Variants in NINJ1 observed in about 807,000 individuals in gnomAD.
NINJ1 encodes ninjurin-1.
In NINJ1, 6 loss-of-function variants were observed where a neutral mutation model predicts 12.7. The ratio of observed to expected loss-of-function variants is 0.47; its 90% confidence interval spans 0.26 to 0.93. The LOEUF (loss-of-function observed/expected upper bound fraction) is 0.93, where lower values mean the gene tolerates loss of function less well. Ranked by LOEUF, NINJ1 falls within the 40% of genes least tolerant of loss-of-function variation. The pLI is 0.15. For missense variants in NINJ1, 170 were observed against 213.0 expected, an observed-to-expected ratio of 0.80 and a Z score of 1.26; for synonymous variants, 100 against 96.0, an observed-to-expected ratio of 1.04 and a Z score of -0.25.
intron 2 of NINJ1, 125 bp downstream of exon 2, chr9:93,126,285 G>C: frequency 1.4e-6 from 1 of 729,914 alleles, no homozygotes; most frequent in South Asian, 1.8e-5. Context: ...TGGGTGATGA[G>C]GGCCAGGAAC....
chr9:93,130,279 G>A (rs1827873390), intron 1 of NINJ1, among the ~76,000 whole-genome samples: 1 of 152,180 alleles, frequency 6.6e-6, no homozygotes, highest in African/African-American at 2.4e-5. Context: ...GGCTGCACAT[G>A]TTGGGGCTGG....
In NINJ1 at chr9:93,126,636, C is replaced by A; in HGVS notation, c.78G>T (p.Pro26=). The part of the protein sequence containing the change: ...PGTPGSPDAS[P]ARWGWRHGPI... ...GCCCGTGCCTCCAGCCCCAGCGGGC[C>A]GGCTGCAGGGAGGGGAATGGTCAGC... The change falls in exon 2 of 4, where the codon CCG becomes CCT. Residue 26 remains proline, a splice_region_variant and synonymous_variant. Coordinates refer to ENST00000375446, the MANE Select transcript of NINJ1 (RefSeq NM_004148.4). 1 of 1,569,356 alleles carries A rather than the reference C, an allele frequency of 6.4e-7. No homozygotes were observed.
chr9:93,126,129 G>A, intron 2 of NINJ1: 1 of 449,582 alleles, frequency 2.2e-6, no homozygotes, highest in Non-Finnish European at 4.0e-6. Context: ...CCCAGGAGAT[G>A]CAGCTTGCAG....
chr9:93,126,927 A>ATGATCCTCCCC (rs1427614263), intron 1 of NINJ1, among the ~76,000 whole-genome samples: 15 of 152,126 alleles, frequency 9.9e-5, no homozygotes, highest in Admixed American at 4.6e-4. Flanking sequence ...CGATCCTCCC[A>ATGATCCTCCCC]CTCCTGCCAT....
intron 3 of NINJ1, among the ~76,000 whole-genome samples, chr9:93,123,102 G>A (rs1023743757): frequency 6.6e-6 from 1 of 152,240 alleles, no homozygotes; most frequent in Non-Finnish European, 1.5e-5. Flanking sequence ...GGGGGCTGGC[G>A]TGATCCCACT....
chr9:93,126,681 G>A (rs1430190873), intron 1 of NINJ1, 43 bp from the exon 2 acceptor site: 2 of 1,500,264 alleles, frequency 1.3e-6, no homozygotes, highest in Admixed American at 1.8e-5. Flanking sequence ...GGGGGAGGGG[G>A]GCAAGGGCTG....
intron 1 of NINJ1, among the ~76,000 whole-genome samples, chr9:93,129,758 A>G (rs1827864118): frequency 6.6e-6 from 1 of 152,202 alleles, no homozygotes; most frequent in South Asian, 2.1e-4. Context: ...CTGCCCCAGG[A>G]TACAGCATAG....
chr9:93,129,410 C>A (rs1356445653), intron 1 of NINJ1, among the ~76,000 whole-genome samples: 1 of 152,126 alleles, frequency 6.6e-6, no homozygotes, highest in East Asian at 1.9e-4. Flanking sequence ...GGCCTCTGAG[C>A]CCCGAGTGGC....
In NINJ1 at chr9:93,126,525, C is replaced by T. The variant is rs901514888; in HGVS notation, c.189G>A (p.Gln63=). Residue 63 remains glutamine, a synonymous_variant, in exon 2 of 4, where the codon CAG becomes CAA. Transcript: ENST00000375446. ...GGCCCTGTTCCACGACGGCCTTCAGCTGGGACGCGTTGGCCATCAGCAGCG... is the reference window on the plus strand; with the variant it reads ...GGCCCTGTTCCACGACGGCCTTCAGTTGGGACGCGTTGGCCATCAGCAGCG... ...DIALLMANAS[Q]LKAVVEQGPS... is the part of the protein sequence containing the mutation. 8.1e-6 allele frequency: 13 copies of T among 1,614,204 alleles called. No individual in the cohort carries two copies. The highest frequency in any genetic ancestry group is 1.6e-4 in the Middle Eastern group (1 of 6,062).
chr9:93,129,035 A>G (rs1211359226), intron 1 of NINJ1, among the ~76,000 whole-genome samples: 1 of 152,156 alleles, frequency 6.6e-6, no homozygotes, highest in East Asian at 1.9e-4. Flanking sequence ...GTCACGAGGA[A>G]CACTCAGATC....
chr9:93,122,598 C>G (rs1587662273), intron 3 of NINJ1, among the ~76,000 whole-genome samples: 1 of 152,194 alleles, frequency 6.6e-6, no homozygotes, highest in Non-Finnish European at 1.5e-5. Context: ...TCAAAGTACT[C>G]CATGCCTCAG....
intron 1 of NINJ1, among the ~76,000 whole-genome samples, chr9:93,131,199 C>A (rs1481236681): frequency 6.6e-6 from 1 of 152,248 alleles, no homozygotes; most frequent in Non-Finnish European, 1.5e-5. Flanking sequence ...GGTCTCCCAG[C>A]TCCATGTCTG....
At position 93,131,228 on chromosome 9, in the gene NINJ1, C is replaced by T. The variant is rs527489234; in HGVS notation, c.75+2915G>A. Among the ~76,000 whole-genome samples, 3 of 152,352 alleles carry T rather than the reference C, an allele frequency of 2.0e-5. No homozygotes were observed. In the East Asian group the frequency reaches 5.8e-4, roughly 29 times the overall value. ...ATGTCTGTGTTCCTGGCAGGAAACC[C>T]CAGCAAGACAGCAGGAAGTGCTGGA... On this transcript the variant is annotated intron_variant, in intron 1 of 3. Coordinates refer to ENST00000375446, the MANE Select transcript of NINJ1 (RefSeq NM_004148.4).
At position 93,129,880 on chromosome 9, in the gene NINJ1, C is replaced by T. The variant is rs556209190; in HGVS notation, c.76-3242G>A. ...CCTTGGTACTCTGGGCCTTGGAGCCCTGAGCTGACCACCACACAGGAGGGT... is the reference window on the plus strand; with the variant it reads ...CCTTGGTACTCTGGGCCTTGGAGCCTTGAGCTGACCACCACACAGGAGGGT... On this transcript the variant is annotated intron_variant, in intron 1 of 3. Coordinates refer to ENST00000375446, the MANE Select transcript of NINJ1 (RefSeq NM_004148.4). Among the ~76,000 whole-genome samples, 72 of 152,308 alleles carry T rather than the reference C, an allele frequency of 4.7e-4. No individual in the cohort carries two copies. In the South Asian group the frequency reaches 0.014, roughly 30 times the overall value.
intron 3 of NINJ1, 28 bp from the exon 4 acceptor site, chr9:93,122,258 G>T (rs917045896): frequency 6.5e-6 from 1 of 153,228 alleles, no homozygotes; most frequent in Non-Finnish European, 1.5e-5. Context: ...GAGAGGCTCT[G>T]AGCCTGGAAG....
Position 93,124,950 on chromosome 9 carries a change from G to C in NINJ1, c.417C>G (p.Phe139Leu). ...IVVVNIFITA[F>L]GVQKPLMDMA... The stretch of plus-strand genomic sequence containing the variant: ...TGTCCATCAAGGGCTTCTGGACCCC[G>C]AAGGCCGTGATGAAGATGTTGACTA... The change falls in exon 3 of 4, where the codon TTC (phenylalanine) becomes TTG (leucine). Residue 139 changes from phenylalanine to leucine, a missense_variant. Phe to Leu is a conservative substitution (Grantham distance 22, BLOSUM62 0). Coordinates refer to ENST00000375446, the MANE Select transcript of NINJ1 (RefSeq NM_004148.4). 2 of 1,614,006 alleles carry C rather than the reference G, an allele frequency of 1.2e-6. No homozygotes were observed. The highest frequency in any genetic ancestry group is 1.7e-6 in the Non-Finnish European group (2 of 1,179,926).
chr9:93,124,853 G>C, intron 3 of NINJ1, 46 bp downstream of exon 3: 2 of 1,544,122 alleles, frequency 1.3e-6, no homozygotes, highest in Non-Finnish European at 8.7e-7. Flanking sequence ...CTCCAACAGC[G>C]AGCAACCCCA....
At position 93,126,431 on chromosome 9, in the gene NINJ1, C is replaced by A. The variant is rs1372743515; in HGVS notation, c.283G>T (p.Gly95Trp). Residue 95 changes from glycine to tryptophan, a missense_variant, in exon 2 of 4, where the codon GGG (glycine) becomes TGG (tryptophan). By Grantham distance (184) the Gly-to-Trp change is radical. Coordinates refer to ENST00000375446, the MANE Select transcript of NINJ1 (RefSeq NM_004148.4). ...SISLVLQIGVGVLLIFLVKYD... is the reference protein window; with the variant it reads ...SISLVLQIGVWVLLIFLVKYD... ...CTACCAAGGAAGATGAGCAGCACCCCCACGCCGATCTGCAGCACAAGGGAG... is the reference window on the plus strand; with the variant it reads ...CTACCAAGGAAGATGAGCAGCACCCACACGCCGATCTGCAGCACAAGGGAG... 7 of 1,613,692 alleles carry A rather than the reference C, an allele frequency of 4.3e-6. No homozygotes were observed. Among genetic ancestry groups the A allele is most frequent in the Non-Finnish European group, 5.9e-6 (7 of 1,179,830 alleles).
chr9:93,122,441 G>C, intron 3 of NINJ1, among the ~76,000 whole-genome samples: 1 of 130,458 alleles, frequency 7.7e-6, no homozygotes, highest in Admixed American at 7.8e-5. Context: ...GAGGCTCTGA[G>C]CCTGGAAGGA....
Sources: allele counts gnomAD v4.1 joint callset (sites outside exome capture counted in the v4.1 genomes callset), GRCh38; gene constraint gnomAD v4.1.1; transcripts MANE v1.5; gene names NCBI Gene and HGNC (gene_info 2026-07-23, HGNC 2026-07-21).